LRGUK: variants seen among roughly 807,000 people sequenced by gnomAD.
LRGUK encodes the protein leucine-rich repeat and guanylate kinase domain-containing protein.
In LRGUK, 65 loss-of-function variants were observed where a neutral mutation model predicts 76.0. The ratio of observed to expected loss-of-function variants is 0.85; its 90% CI spans 0.70 to 1.05. LRGUK has a LOEUF of 1.05. LRGUK is among the 50% of genes least tolerant of loss of function. LRGUK has a pLI of 0.00. For missense variants in LRGUK, 758 were observed against 732.8 expected, an observed-to-expected ratio of 1.03 and a Z score of -0.40; for synonymous variants, 268 against 265.6, an observed-to-expected ratio of 1.01 and a Z score of -0.09.
intron 10 of LRGUK, among the ~76,000 whole-genome samples, chr7:134,178,934 A>AAAACC (rs1554464242): frequency 2.6e-5 from 2 of 78,134 alleles, no homozygotes; most frequent in East Asian, 1.0e-3. Flanking sequence ...CTCAAAAAAA[A>AAAACC]AAAAAAAAAA....
In LRGUK at chr7:134,183,717, C is replaced by T. The variant is rs746504602; in HGVS notation, c.1215-17C>T. 2.5e-6 allele frequency: 4 copies of T among 1,613,528 alleles called. No individual in the cohort carries two copies. The South Asian group carries it at 3.3e-5, about 13-fold the overall frequency. ...CCTGACTGCAATAGGAGAACTGACT[C>T]TGGTCCTGTGTTGTAGCACTCTTCC... is the stretch of plus-strand genomic sequence containing the variant. On this transcript the variant is annotated splice_polypyrimidine_tract_variant and intron_variant, in intron 10 of 15. Coordinates refer to ENST00000645682, the Ensembl canonical transcript of LRGUK.
At chr7:134,135,995 C>T (rs1797524132) in intron 1 of LRGUK, among the ~76,000 whole-genome samples, 1 of 152,188 alleles carries the variant, frequency 6.6e-6, no homozygotes, top group African/African-American at 2.4e-5. Context: ...ATGCGTATGT[C>T]ATCAGTACCT....
At chr7:134,170,454 G>C (rs1799193184) in intron 7 of LRGUK, among the ~76,000 whole-genome samples, 2 of 151,986 alleles carry the variant, frequency 1.3e-5, no homozygotes, top group South Asian at 4.2e-4. Context: ...GAAGGAATAA[G>C]ATCTAGTGTT....
chr7:134,180,290 GTCCA>G (rs3030440), intron 10 of LRGUK, among the ~76,000 whole-genome samples: 13,754 of 149,716 alleles, frequency 0.092, 718 homozygotes, highest in Non-Finnish European at 0.11. Context: ...CAATTCCTCT[GTCCA>G]TCCATCCATC....
At chr7:134,227,284 A>T (rs1801789229) in intron 16 of LRGUK, among the ~76,000 whole-genome samples, 1 of 152,186 alleles carries the variant, frequency 6.6e-6, no homozygotes. Context: ...AACTTAGCGA[A>T]CGATGCTTTC....
intron 1 of LRGUK, among the ~76,000 whole-genome samples, chr7:134,130,891 A>AT (rs1330501395): frequency 1.3e-5 from 2 of 152,226 alleles, no homozygotes; most frequent in Admixed American, 6.5e-5. Context: ...CTCATTCTTC[A>AT]TGTGGGAATT....
intron 16 of LRGUK, among the ~76,000 whole-genome samples, chr7:134,227,569 G>A (rs1194392788): frequency 6.6e-6 from 1 of 152,108 alleles, no homozygotes; most frequent in East Asian, 1.9e-4. Flanking sequence ...AGGCCTACAA[G>A]AGCCTTCAGA....
At chr7:134,154,414 T>C (rs879931669) in intron 5 of LRGUK, among the ~76,000 whole-genome samples, 10 of 152,204 alleles carry the variant, frequency 6.6e-5, no homozygotes, top group Non-Finnish European at 1.3e-4. Context: ...GAAGACCATC[T>C]ATGAACTCAA....
intron 16 of LRGUK, among the ~76,000 whole-genome samples, chr7:134,228,948 T>A (rs2117169906): frequency 6.6e-6 from 1 of 152,268 alleles, no homozygotes; most frequent in South Asian, 2.1e-4. Context: ...CAATAAAGCA[T>A]AAACAAGAAA....
rs536740685 is a variant in LRGUK at position 134,246,068 on chromosome 7, T to G, written c.1984-1488T>G. ...GTAATCAAGTATCCACCAGAGAGTG[T>G]GTTCAGTGAGCCCACGTTAGCGCTC... is the stretch of plus-strand genomic sequence containing the variant. On this transcript the variant is annotated intron_variant, in intron 16 of 19. Coordinates refer to the LRGUK transcript ENST00000285928. 7.6e-4 allele frequency among the ~76,000 whole-genome samples: 116 copies of G among 152,324 alleles called. 1 individual carries two copies. Among genetic ancestry groups the G allele is most frequent in the African/African-American group, 2.2e-3 (90 of 41,580 alleles).
exon 16 of LRGUK, chr7:134,208,714 C>T (rs1019974363): frequency 1.5e-5 from 6 of 398,826 alleles, no homozygotes; most frequent in Non-Finnish European, 2.2e-5. Flanking sequence ...CAGGAGCTCC[C>T]GCTAGCAAGA....
At chr7:134,135,871 T>C (rs1403254720) in intron 1 of LRGUK, among the ~76,000 whole-genome samples, 2 of 152,312 alleles carry the variant, frequency 1.3e-5, no homozygotes, top group African/African-American at 2.4e-5. Flanking sequence ...TTAGCCAGGA[T>C]GGTCTCGATC....
chr7:134,186,884 C>A (rs557136760), intron 11 of LRGUK, among the ~76,000 whole-genome samples: 47 of 152,300 alleles, frequency 3.1e-4, no homozygotes, highest in African/African-American at 1.1e-3. Flanking sequence ...CTATTTTTCT[C>A]TTCTGGCTGG....
intron 16 of LRGUK, among the ~76,000 whole-genome samples, chr7:134,232,499 C>T (rs1801925879): frequency 3.3e-5 from 5 of 152,140 alleles, no homozygotes; most frequent in African/African-American, 4.8e-5. Flanking sequence ...AGGCTGGCCT[C>T]GAACTCCTGA....
intron 4 of LRGUK, among the ~76,000 whole-genome samples, chr7:134,146,699 G>A (rs1797983820): frequency 1.3e-5 from 2 of 152,098 alleles, no homozygotes; most frequent in Admixed American, 6.6e-5. Flanking sequence ...TGCCATTGGA[G>A]TTGTTTCTAA....
At chr7:134,159,287 C>T (rs559901584) in intron 6 of LRGUK, among the ~76,000 whole-genome samples, 114 of 147,332 alleles carry the variant, frequency 7.7e-4, no homozygotes, top group African/African-American at 2.8e-3. Flanking sequence ...CAGTGAGTCA[C>T]GATCATGTCA....
downstream of LRGUK, chr7:134,264,722 A>G (rs928680981): frequency 2.0e-5 from 3 of 152,188 alleles, no homozygotes; most frequent in Non-Finnish European, 2.9e-5. Flanking sequence ...AGTTATAGAC[A>G]AGGCTGGTAT....
chr7:134,248,982 C>A (rs746893804), exon 18 of LRGUK: 1 of 1,579,058 alleles, frequency 6.3e-7, no homozygotes, highest in Non-Finnish European at 8.6e-7. Flanking sequence ...CACCAGTGGT[C>A]TACACTATTA....
chr7:134,208,250 C>T (rs1337299687), intron 15 of LRGUK, among the ~76,000 whole-genome samples: 2 of 152,128 alleles, frequency 1.3e-5, no homozygotes, highest in Non-Finnish European at 2.9e-5. Flanking sequence ...ACAGAGCTCA[C>T]GGCTTATATA....
Sources: gnomAD v4.1 joint callset for allele counts (sites outside exome capture counted in the v4.1 genomes callset) on GRCh38, gnomAD v4.1.1 for gene constraint, MANE v1.5 for transcripts, NCBI Gene and HGNC (gene_info 2026-07-23, HGNC 2026-07-21) for gene names.